Variants in PCDH15 observed in about 807,000 individuals in gnomAD.
The protein encoded by PCDH15 is protocadherin-15.
PCDH15 carries 129 observed loss-of-function variants against 178.5 expected under a neutral mutation model. The ratio of observed to expected loss-of-function variants is 0.72; its 90% CI spans 0.63 to 0.84. The LOEUF is 0.84. Ranked by LOEUF, PCDH15 falls within the 40% of genes least tolerant of loss-of-function variation. The pLI is 0.00. For missense variants in PCDH15, 2,230 were observed against 2,099.9 expected, an observed-to-expected ratio of 1.06 and a Z score of -1.21; for synonymous variants, 800 against 732.0, an observed-to-expected ratio of 1.09 and a Z score of -1.50.
chr10:54,764,661 A>G (rs575523349), intron 1 of PCDH15, among the ~76,000 whole-genome samples: 1 of 152,258 alleles, frequency 6.6e-6, no homozygotes, highest in East Asian at 1.9e-4. Context: ...TGTTGATACG[A>G]TAGACCAAGG....
rs57729172 is a variant in PCDH15, at chr10:54,242,130, TTATATATATATATATATA to T, written c.877-5217_877-5200del. Reference sequence around the variant, plus strand: ...TGAACTTTTGGTCTGAATTCTATTTTTATATATATATATATATATATATATATATATATATATATATAT... The same window carrying T: ...TGAACTTTTGGTCTGAATTCTATTTTTATATATATATATATATATATATAT... On this transcript the variant is annotated intron_variant, in intron 8 of 37. Transcript: ENST00000644397. Among the ~76,000 whole-genome samples, 136 of 31,692 alleles carry T rather than the reference TTATATATATATATATATA, an allele frequency of 4.3e-3. 1 individual carries two copies. The highest frequency in any genetic ancestry group is 5.4e-3 in the East Asian group (7 of 1,288). 20.8% of individuals were successfully genotyped at this position (31,692 alleles called of 152,430 possible).
At chr10:54,628,067 A>G (rs2093605412) in intron 2 of PCDH15, among the ~76,000 whole-genome samples, 1 of 152,208 alleles carries the variant, frequency 6.6e-6, no homozygotes, top group Non-Finnish European at 1.5e-5. Context: ...TGAAATGTGT[A>G]ACAGGCTAAG....
chr10:55,135,200 C>A (rs1253903613), intron 2 of PCDH15, among the ~76,000 whole-genome samples: 1 of 152,030 alleles, frequency 6.6e-6, no homozygotes, highest in Non-Finnish European at 1.5e-5. Context: ...TTAAAGAACT[C>A]AACTAGTATC....
intron 27 of PCDH15, 31 bp from the exon 28 acceptor site, chr10:53,857,294 T>A (rs80143445): frequency 1.4e-5 from 21 of 1,534,960 alleles, no homozygotes; most frequent in Non-Finnish European, 1.7e-5. Flanking sequence ...ATTCATTTAA[T>A]TTTTACTCAC....
intron 15 of PCDH15, among the ~76,000 whole-genome samples, chr10:54,114,462 C>G (rs1437992945): frequency 6.6e-6 from 1 of 152,040 alleles, no homozygotes; most frequent in African/African-American, 2.4e-5. Context: ...TGATAGTCAA[C>G]AATTTTTTAT....
intron 26 of PCDH15, among the ~76,000 whole-genome samples, chr10:53,902,012 C>T (rs931206547): frequency 6.6e-6 from 1 of 152,128 alleles, no homozygotes; most frequent in Non-Finnish European, 1.5e-5. Flanking sequence ...TGCTCTATAT[C>T]AAACTTCTAG....
At chr10:54,937,960 T>A (rs923644903) in intron 2 of PCDH15, among the ~76,000 whole-genome samples, 4 of 152,090 alleles carry the variant, frequency 2.6e-5, no homozygotes, top group Admixed American at 2.0e-4. Context: ...CACCTTTAAG[T>A]AAGAGGATTC....
intron 5 of PCDH15, among the ~76,000 whole-genome samples, chr10:54,356,156 T>G (rs1000247338): frequency 6.6e-5 from 10 of 152,072 alleles, no homozygotes; most frequent in Non-Finnish European, 1.5e-4. Context: ...AAGCCATCAC[T>G]ACCAATAATG....
At chr10:53,846,491 T>C (rs2077988142) in intron 28 of PCDH15, among the ~76,000 whole-genome samples, 1 of 151,902 alleles carries the variant, frequency 6.6e-6, no homozygotes, top group Non-Finnish European at 1.5e-5. Flanking sequence ...TTTATCTAAA[T>C]AACCTTCTTA....
At chr10:55,413,219 TAC>T (rs1393239385) in intron 2 of PCDH15, among the ~76,000 whole-genome samples, 1 of 151,778 alleles carries the variant, frequency 6.6e-6, no homozygotes, top group African/African-American at 2.4e-5. Context: ...AAAATTAATT[TAC>T]ATTTATTCAT....
At chr10:55,023,525 G>A (rs546918320) in intron 2 of PCDH15, among the ~76,000 whole-genome samples, 46 of 152,108 alleles carry the variant, frequency 3.0e-4, no homozygotes, top group Middle Eastern at 3.4e-3. Context: ...AAATAAACTA[G>A]TATACAAATT....
intron 27 of PCDH15, among the ~76,000 whole-genome samples, chr10:53,859,784 T>C (rs760014505): frequency 4.6e-5 from 7 of 152,202 alleles, no homozygotes; most frequent in Non-Finnish European, 8.8e-5. Flanking sequence ...TCGGTCACAC[T>C]TTACAAATAT....
chr10:54,709,546 CACAAGGAA>C (rs1292046140), intron 1 of PCDH15, among the ~76,000 whole-genome samples: 1 of 144,520 alleles, frequency 6.9e-6, no homozygotes, highest in East Asian at 2.0e-4. Context: ...ATATGCCTGG[CACAAGGAA>C]ACAAGGAAAC....
At chr10:54,772,278 T>G (rs1362493506) in intron 1 of PCDH15, among the ~76,000 whole-genome samples, 1 of 152,208 alleles carries the variant, frequency 6.6e-6, no homozygotes, top group Non-Finnish European at 1.5e-5. Context: ...AAATGCACGT[T>G]CTCAGGCATA....
At chr10:55,054,147 T>A (rs1013465104) in intron 2 of PCDH15, among the ~76,000 whole-genome samples, 15 of 152,290 alleles carry the variant, frequency 9.8e-5, no homozygotes, top group African/African-American at 3.6e-4. Context: ...TTTATTTAAA[T>A]CCTACTCATG....
At chr10:55,577,888 T>C (rs1365711072) in intron 2 of PCDH15, among the ~76,000 whole-genome samples, 2 of 152,116 alleles carry the variant, frequency 1.3e-5, no homozygotes, top group Non-Finnish European at 2.9e-5. Context: ...TTCTGAACCC[T>C]TCAGAAAGGA....
intron 3 of PCDH15, among the ~76,000 whole-genome samples, chr10:54,423,951 T>C (rs1353083909): frequency 6.6e-6 from 1 of 151,846 alleles, no homozygotes; most frequent in Non-Finnish European, 1.5e-5. Flanking sequence ...GACATAGGCA[T>C]GGGCAAGGAC....
intron 2 of PCDH15, among the ~76,000 whole-genome samples, chr10:55,148,545 C>T (rs143043194): frequency 6.6e-6 from 1 of 151,870 alleles, no homozygotes; most frequent in East Asian, 1.9e-4. Context: ...TTTGCAAGAT[C>T]CACCCCATGA....
chr10:54,082,935 C>T (rs956142974), intron 16 of PCDH15, among the ~76,000 whole-genome samples: 1 of 151,786 alleles, frequency 6.6e-6, no homozygotes, highest in Non-Finnish European at 1.5e-5. Flanking sequence ...TAAAAATAGG[C>T]AAAAGACTCA....
Sources: gnomAD v4.1 joint callset for allele counts (sites outside exome capture counted in the v4.1 genomes callset) on GRCh38, gnomAD v4.1.1 for gene constraint, MANE v1.5 for transcripts, NCBI Gene and HGNC (gene_info 2026-07-23, HGNC 2026-07-21) for gene names.